The following MYO3A variants were observed in gnomAD, a reference collection of about 807,000 sequenced individuals.
MYO3A encodes the protein myosin IIIA, also known as myosin-IIIa.
In MYO3A, 180 loss-of-function variants were observed where a neutral mutation model predicts 192.7. The observed-to-expected ratio is 0.93, with a 90% CI of 0.83 to 1.06. MYO3A has a LOEUF of 1.06. MYO3A is among the 50% of genes least tolerant of loss of function. MYO3A has a pLI of 0.00. For synonymous variants in MYO3A, 628 were observed against 645.3 expected (o/e 0.97, Z 0.41); for missense variants, 1,896 against 1,905.0 (o/e 1.00, Z 0.09).
intron 10 of MYO3A, among the ~76,000 whole-genome samples, chr10:26,036,655 C>T (rs1307217925): frequency 1.3e-5 from 2 of 152,172 alleles, no homozygotes; most frequent in Non-Finnish European, 2.9e-5. Flanking sequence ...TGACAAGTCG[C>T]CAGTGGCTCC....
At chr10:26,018,921 A>C (rs1191721665) in intron 7 of MYO3A, among the ~76,000 whole-genome samples, 1 of 152,232 alleles carries the variant, frequency 6.6e-6, no homozygotes, top group Non-Finnish European at 1.5e-5. Flanking sequence ...TCTAGCAAAC[A>C]AAGTTATATT....
At chr10:25,987,328 A>G (rs1839714102) in intron 4 of MYO3A, among the ~76,000 whole-genome samples, 1 of 152,230 alleles carries the variant, frequency 6.6e-6, no homozygotes, top group South Asian at 2.1e-4. Context: ...AAGAACCCAA[A>G]AGCAAATGCA....
At chr10:26,182,360 G>T (rs116097062) in intron 31 of MYO3A, among the ~76,000 whole-genome samples, 2,764 of 152,188 alleles carry the variant, frequency 0.018, 92 homozygotes, top group African/African-American at 0.061. Flanking sequence ...TACTCCTCCA[G>T]CCAGCTTGTG....
At chr10:26,062,377 T>G (rs34726667) in intron 10 of MYO3A, among the ~76,000 whole-genome samples, 69,951 of 149,144 alleles carry the variant, frequency 0.47, 17,261 homozygotes, top group Middle Eastern at 0.59. Context: ...AAATTAGCCA[T>G]GCATGGTAGC....
intron 2 of MYO3A, among the ~76,000 whole-genome samples, chr10:25,936,725 CCATGAACTTAAA>C (rs1391025609): frequency 6.6e-6 from 1 of 152,178 alleles, no homozygotes; most frequent in Admixed American, 6.5e-5. Flanking sequence ...GTAATTTCTA[CCATGAACTTAAA>C]CATTATGACC....
intron 14 of MYO3A, among the ~76,000 whole-genome samples, chr10:26,078,799 A>G (rs1835753311): frequency 6.6e-6 from 1 of 152,032 alleles, no homozygotes; most frequent in Non-Finnish European, 1.5e-5. Context: ...TTTGATTTCC[A>G]TGTATTTGCA....
At chr10:26,138,080 C>CT (rs1342898429) in intron 20 of MYO3A, among the ~76,000 whole-genome samples, 1 of 152,146 alleles carries the variant, frequency 6.6e-6, no homozygotes, top group Non-Finnish European at 1.5e-5. Flanking sequence ...CTTCATTCTC[C>CT]TTTTTGCGCT....
chr10:25,962,934 C>T (rs773372206), intron 4 of MYO3A, among the ~76,000 whole-genome samples: 1 of 152,168 alleles, frequency 6.6e-6, no homozygotes, highest in Admixed American at 6.5e-5. Flanking sequence ...CTGGGCTTCT[C>T]TCTCAGGAGC....
rs1055231682 is a variant in MYO3A at position 26,083,418 on chromosome 10, G to A, written c.1360-4785G>A. ...TAATAGTTTTAGACCATGGTTGACT[G>A]TAGGTAACTGGCTCTATGGTAGAGA... On this transcript the variant is annotated intron_variant, in intron 14 of 34. Coordinates refer to ENST00000642920, the MANE Select transcript of MYO3A (RefSeq NM_017433.5). 3.9e-5 allele frequency among the ~76,000 whole-genome samples: 6 copies of A among 152,182 alleles called. No individual in the cohort carries two copies. The East Asian group carries it at 5.8e-4, about 15-fold the overall frequency.
chr10:26,139,939 A>G (rs1408731878), intron 20 of MYO3A, among the ~76,000 whole-genome samples: 1 of 152,168 alleles, frequency 6.6e-6, no homozygotes, highest in Non-Finnish European at 1.5e-5. Flanking sequence ...TGTTCATACC[A>G]TGTGATCATC....
chr10:26,059,907 A>G (rs1834351168), intron 10 of MYO3A, among the ~76,000 whole-genome samples: 1 of 152,214 alleles, frequency 6.6e-6, no homozygotes, highest in Admixed American at 6.5e-5. Flanking sequence ...GGATCACTTG[A>G]GGTCAGGAGT....
chr10:26,153,419 C>T (rs1840915518), intron 23 of MYO3A, among the ~76,000 whole-genome samples: 2 of 152,166 alleles, frequency 1.3e-5, no homozygotes, highest in African/African-American at 2.4e-5. Context: ...AAGGCCATTG[C>T]CTCCAACCAT....
chr10:26,183,420 G>C (rs929986636), intron 31 of MYO3A, among the ~76,000 whole-genome samples: 3 of 152,190 alleles, frequency 2.0e-5, no homozygotes, highest in African/African-American at 7.2e-5. Context: ...CTACTCAGGA[G>C]GCTGAGGCAG....
intron 15 of MYO3A, among the ~76,000 whole-genome samples, chr10:26,092,760 A>G (rs918289476): frequency 2.6e-5 from 4 of 152,156 alleles, no homozygotes; most frequent in Non-Finnish European, 2.9e-5. Context: ...GAGAAATTAT[A>G]TTTGGTAACT....
chr10:25,978,168 T>C (rs1328225349), intron 4 of MYO3A, among the ~76,000 whole-genome samples: 1 of 152,254 alleles, frequency 6.6e-6, no homozygotes, highest in African/African-American at 2.4e-5. Flanking sequence ...ACTTAGAGAA[T>C]GATTTTGAGT....
intron 4 of MYO3A, among the ~76,000 whole-genome samples, chr10:25,991,083 A>G (rs191442652): frequency 0.053 from 8,019 of 152,156 alleles, 727 homozygotes; most frequent in African/African-American, 0.18. Flanking sequence ...CTGAGGAATC[A>G]CCACACTATC....
At chr10:26,065,776 T>C (rs1391857112) in intron 10 of MYO3A, among the ~76,000 whole-genome samples, 1 of 151,046 alleles carries the variant, frequency 6.6e-6, no homozygotes, top group South Asian at 2.1e-4. Context: ...GCAGTGGGAG[T>C]GATGTCCTTC....
chr10:26,055,745 G>T (rs1238993444), intron 10 of MYO3A, among the ~76,000 whole-genome samples: 1 of 152,192 alleles, frequency 6.6e-6, no homozygotes, highest in African/African-American at 2.4e-5. Context: ...CCTTCCTAAG[G>T]AATAGGAGGG....
chr10:26,204,996 C>T (rs1185874776), intron 34 of MYO3A, among the ~76,000 whole-genome samples: 1 of 152,144 alleles, frequency 6.6e-6, no homozygotes, highest in East Asian at 1.9e-4. Flanking sequence ...GACTAAGCTA[C>T]ATGTCAGAAG....
Sources: allele counts gnomAD v4.1 joint callset (sites outside exome capture counted in the v4.1 genomes callset), GRCh38; gene constraint gnomAD v4.1.1; transcripts MANE v1.5; gene names NCBI Gene and HGNC (gene_info 2026-07-23, HGNC 2026-07-21).